TRIM56: variants seen among roughly 807,000 people sequenced by gnomAD.
The protein encoded by TRIM56 is tripartite motif containing 56, also known as E3 ubiquitin-protein ligase TRIM56.
In TRIM56, 10 loss-of-function variants were observed where a neutral mutation model predicts 17.1. That is an observed-to-expected ratio of 0.58 (90% CI 0.36 to 0.99). The LOEUF is 0.99. Ranked by LOEUF, TRIM56 falls within the 50% of genes least tolerant of loss-of-function variation. TRIM56 has a pLI of 0.01. For missense variants in TRIM56, 923 were observed against 1,052.3 expected, an observed-to-expected ratio of 0.88 and a Z score of 1.70; for synonymous variants, 503 against 473.5, an observed-to-expected ratio of 1.06 and a Z score of -0.81.
In TRIM56 at chr7:101,087,901, C is replaced by T; in HGVS notation, c.589C>T (p.His197Tyr). Residue 197 changes from histidine to tyrosine, a missense_variant, in exon 3 of 3, where the codon CAC becomes TAC. His to Tyr is a moderately conservative substitution (Grantham distance 83). Coordinates refer to ENST00000306085, the MANE Select transcript of TRIM56 (RefSeq NM_030961.3). The part of the protein sequence containing the change: ...LLCRECRLDP[H>Y]LDHPCLPLAE... ...GTGCAGAGAGTGCCGCCTAGACCCC[C>T]ACCTGGACCACCCCTGCCTGCCTCT... is the stretch of plus-strand genomic sequence containing the variant. 6.2e-7 allele frequency: 1 copy of T among 1,603,746 alleles called. No individual in the cohort carries two copies. Among genetic ancestry groups the T allele is most frequent in the Non-Finnish European group, 8.5e-7 (1 of 1,178,156 alleles).
chr7:101,087,085 G>A lies in TRIM56; in HGVS notation c.-85G>A. 2 of 563,504 alleles carry A rather than the reference G, an allele frequency of 3.5e-6. No individual in the cohort carries two copies. The highest frequency in any genetic ancestry group is 6.3e-6 in the Non-Finnish European group (2 of 317,748). 34.9% of individuals were successfully genotyped at this position (563,504 alleles called of 1,614,324 possible). On this transcript the variant is annotated 5_prime_UTR_variant, in exon 2 of 3. Coordinates refer to ENST00000306085, the MANE Select transcript of TRIM56 (RefSeq NM_030961.3). Reference sequence around the variant, plus strand: ...TACACACGGAAGTGGAGGAGGAGGAGGAGAAGGAGGAGGGCAGCTCCTTAG... The same window carrying A: ...TACACACGGAAGTGGAGGAGGAGGAAGAGAAGGAGGAGGGCAGCTCCTTAG...
Position 101,087,067 on chromosome 7 carries a change from G to A in TRIM56, c.-103G>A, listed in dbSNP as rs374766322. ...TTTTACGTTTGCTGGATGTACACAC[G>A]GAAGTGGAGGAGGAGGAGGAGAAGG... is the stretch of plus-strand genomic sequence containing the variant. On this transcript the variant is annotated 5_prime_UTR_variant, in exon 2 of 3. Transcript: ENST00000306085. 2.4e-5 allele frequency: 13 copies of A among 540,624 alleles called. No homozygotes were observed. The highest frequency in any genetic ancestry group is 1.8e-4 in the East Asian group (6 of 32,968). 33.5% of individuals were successfully genotyped at this position (540,624 alleles called of 1,614,324 possible).
intron 1 of TRIM56, 41 bp from the exon 2 acceptor site, chr7:101,086,965 T>G: frequency 2.1e-5 from 5 of 242,676 alleles, no homozygotes; most frequent in Non-Finnish European, 4.0e-5. Context: ...ACACTGAGGA[T>G]TCGATTATTA....
Position 101,087,325 on chromosome 7 carries a change from G to A in TRIM56, c.13G>A (p.Gly5Arg), listed in dbSNP as rs748373671. Residue 5 changes from glycine to arginine, a missense_variant, in exon 3 of 3, where the codon GGG becomes AGG. Physicochemically the swap from Gly to Arg is moderately radical, Grantham distance 125 (BLOSUM62 -2). This residue lies in a region of TRIM56 where 98 missense variants were observed against 143.6 expected (regional missense o/e 0.68). Coordinates refer to ENST00000306085, the MANE Select transcript of TRIM56 (RefSeq NM_030961.3). ...CTCTGCCTGCAGCATGGTTTCCCAC[G>A]GGTCCTCGCCCTCCCTCCTGGAGGC... MVSH[G>R]SSPSLLEALS... The A allele has an allele frequency of 1.5e-5, 24 of 1,611,536 alleles. No homozygotes were observed. Among genetic ancestry groups the A allele is most frequent in the Non-Finnish European group, 1.4e-5 (16 of 1,178,906 alleles).
chr7:101,089,539 G>A lies in TRIM56; in HGVS notation c.2227G>A (p.Gly743Arg), dbSNP rs1483561706. ...GRYLVVSLSNGTIHIFRVRSP... is the reference protein window; with the variant it reads ...GRYLVVSLSNRTIHIFRVRSP... ...GTACCTGGTCGTGTCCCTCAGTAACGGGACCATCCACATCTTTCGGGTCCG... is the reference window on the plus strand; with the variant it reads ...GTACCTGGTCGTGTCCCTCAGTAACAGGACCATCCACATCTTTCGGGTCCG... Residue 743 changes from glycine (G) to arginine (R), a missense_variant, in exon 3 of 3, where the codon GGG becomes AGG. Coordinates refer to ENST00000306085, the MANE Select transcript of TRIM56 (RefSeq NM_030961.3). 2 of 1,614,016 alleles carry A rather than the reference G, an allele frequency of 1.2e-6. No individual in the cohort carries two copies. The highest frequency in any genetic ancestry group is 2.2e-5 in the South Asian group (2 of 91,092).
chr7:101,088,496 G>T lies in TRIM56; in HGVS notation c.1184G>T (p.Arg395Leu). The change falls in exon 3 of 3, where the codon CGG becomes CTG. Residue 395 changes from arginine (R) to leucine (L), a missense_variant. Transcript: ENST00000306085. ...GTQGGEESQS[R>L]REDEPKTERQ... is the part of the protein sequence containing the mutation. ...CAGGGAGGTGAGGAGAGCCAGAGCC[G>T]GAGGGAGGATGAGCCGAAGACTGAG... The T allele has an allele frequency of 1.2e-6, 2 of 1,613,866 alleles. No homozygotes were observed. The highest frequency in any genetic ancestry group is 1.7e-6 in the Non-Finnish European group (2 of 1,179,896).
Position 101,088,645 on chromosome 7 carries a change from G to A in TRIM56, c.1333G>A (p.Glu445Lys), listed in dbSNP as rs575211989. 3.7e-6 allele frequency: 6 copies of A among 1,613,970 alleles called. No homozygotes were observed. The highest frequency in any genetic ancestry group is 2.2e-5 in the East Asian group (1 of 44,870). ...GGAGGACAGGGCCCAGACACCCCACGAGGATGGAGGACCCCAGCCCCACAG... is the reference window on the plus strand; with the variant it reads ...GGAGGACAGGGCCCAGACACCCCACAAGGATGGAGGACCCCAGCCCCACAG... ...LEEDRAQTPH[E>K]DGGPQPHRGG... The change falls in exon 3 of 3, where the codon GAG becomes AAG. Residue 445 changes from glutamate (E) to lysine (K), a missense_variant. This residue lies in a region of TRIM56 where 643 missense variants were observed against 665.6 expected (regional missense o/e 0.97). Transcript: ENST00000306085.
chr7:101,088,631 C>T lies in TRIM56; in HGVS notation c.1319C>T (p.Ala440Val). ...GCCCAGACCTTGGAGGAGGACAGGG[C>T]CCAGACACCCCACGAGGATGGAGGA... is the stretch of plus-strand genomic sequence containing the variant. ...EGAQTLEEDR[A>V]QTPHEDGGPQ... The change falls in exon 3 of 3, where the codon GCC (alanine) becomes GTC (valine). Residue 440 changes from alanine to valine, a missense_variant. Coordinates refer to ENST00000306085, the MANE Select transcript of TRIM56 (RefSeq NM_030961.3). 7 of 1,613,936 alleles carry T rather than the reference C, an allele frequency of 4.3e-6. No individual in the cohort carries two copies. The highest frequency in any genetic ancestry group is 5.9e-6 in the Non-Finnish European group (7 of 1,179,880).
Position 101,097,228 on chromosome 7 carries a change from T to A in TRIM56, c.*7648T>A, listed in dbSNP as rs1039353335. On this transcript the variant is annotated 3_prime_UTR_variant, in exon 3 of 3. Coordinates refer to ENST00000306085, the MANE Select transcript of TRIM56 (RefSeq NM_030961.3). Reference sequence around the variant, plus strand: ...AGGCGAGTGCCAAGATCAAGGTCTCTGATTGTCTCTCCTTGAAAGGTAAGC... The same window carrying A: ...AGGCGAGTGCCAAGATCAAGGTCTCAGATTGTCTCTCCTTGAAAGGTAAGC... 1 of 152,226 alleles carries A rather than the reference T, an allele frequency of 6.6e-6. No individual in the cohort carries two copies. The highest frequency in any genetic ancestry group is 1.5e-5 in the Non-Finnish European group (1 of 68,040). The allele number at this position is 152,226 out of a possible 1,614,324, so 9.4% of individuals were successfully genotyped here.
In TRIM56 at chr7:101,097,473, A is replaced by G. The variant is rs1220786844; in HGVS notation, c.*7893A>G. The G allele has an allele frequency of 6.6e-6, 1 of 152,228 alleles. No individual in the cohort carries two copies. The highest frequency in any genetic ancestry group is 1.5e-5 in the Non-Finnish European group (1 of 68,044). The allele number at this position is 152,228 out of a possible 1,614,324, so 9.4% of individuals were successfully genotyped here. A position where few individuals can be genotyped will look rare whatever the true frequency, so the allele number is the denominator to read the frequency against. ...AATTAGACTACCCAACTGGATTGTGAATGCAGTTTATGAAATGGATCAGGA... is the reference window on the plus strand; with the variant it reads ...AATTAGACTACCCAACTGGATTGTGGATGCAGTTTATGAAATGGATCAGGA... On this transcript the variant is annotated 3_prime_UTR_variant, in exon 3 of 3. Transcript: ENST00000306085.
rs1264744590 is a variant in TRIM56, at chr7:101,090,928, A to G, written c.*1348A>G. 1 of 152,166 alleles carries G rather than the reference A, an allele frequency of 6.6e-6. No homozygotes were observed. Among genetic ancestry groups the G allele is most frequent in the Non-Finnish European group, 1.5e-5 (1 of 68,046 alleles). 9.4% of individuals were successfully genotyped at this position (152,166 alleles called of 1,614,324 possible). On this transcript the variant is annotated 3_prime_UTR_variant, in exon 3 of 3. Transcript: ENST00000306085. ...GATATGTTGGCCTTCACTCGGCTGAACTAGGGGGTGAAGGAAGGTTGTCCT... is the reference window on the plus strand; with the variant it reads ...GATATGTTGGCCTTCACTCGGCTGAGCTAGGGGGTGAAGGAAGGTTGTCCT...
Position 101,087,507 on chromosome 7 carries a change from G to A in TRIM56, c.195G>A (p.Val65=). ...RCPECRETVP[V]PPEGVASFKT... ...CCGAGTGCCGCGAGACAGTGCCTGT[G>A]CCGCCCGAGGGTGTGGCCTCCTTCA... Residue 65 remains valine, a synonymous_variant, in exon 3 of 3, where the codon GTG becomes GTA. Transcript: ENST00000306085. 1 of 1,613,456 alleles carries A rather than the reference G, an allele frequency of 6.2e-7. No individual in the cohort carries two copies. The highest frequency in any genetic ancestry group is 1.1e-5 in the South Asian group (1 of 91,008).
In TRIM56 at chr7:101,088,811, G is replaced by C; in HGVS notation, c.1499G>C (p.Arg500Pro). 6.2e-7 allele frequency: 1 copy of C among 1,613,768 alleles called. No individual in the cohort carries two copies. The highest frequency in any genetic ancestry group is 8.5e-7 in the Non-Finnish European group (1 of 1,180,022). ...ATCTTTTACTGCAGTTTCCCCACGC[G>C]GATGCCTGGAGACAAGCGGTCCCCC... ...RPIFYCSFPTRMPGDKRSPRI... is the reference protein window; with the variant it reads ...RPIFYCSFPTPMPGDKRSPRI... The change falls in exon 3 of 3, where the codon CGG becomes CCG. Residue 500 changes from arginine to proline, a missense_variant. By Grantham distance (103) the Arg-to-Pro change is moderately radical (BLOSUM62 -2). Coordinates refer to ENST00000306085, the MANE Select transcript of TRIM56 (RefSeq NM_030961.3).
chr7:101,088,937 G>A lies in TRIM56; in HGVS notation c.1625G>A (p.Gly542Asp). Reference sequence around the variant, plus strand: ...TTCTCCCTCAACGGCGACTACAAGGGCACCGTGCCGGTCCCTGAGGGCTGC... The same window carrying A: ...TTCTCCCTCAACGGCGACTACAAGGACACCGTGCCGGTCCCTGAGGGCTGC... ...KRFSLNGDYK[G>D]TVPVPEGCSP... The change falls in exon 3 of 3, where the codon GGC (glycine) becomes GAC (aspartate). Residue 542 changes from glycine to aspartate, a missense_variant. Coordinates refer to ENST00000306085, the MANE Select transcript of TRIM56 (RefSeq NM_030961.3). The A allele has an allele frequency of 6.2e-7, 1 of 1,613,536 alleles. No homozygotes were observed. The highest frequency in any genetic ancestry group is 8.5e-7 in the Non-Finnish European group (1 of 1,180,028).
chr7:101,092,042 G>C lies in TRIM56; in HGVS notation c.*2462G>C, dbSNP rs1795574472. On this transcript the variant is annotated 3_prime_UTR_variant, in exon 3 of 3. Transcript: ENST00000306085. ...TAACCGCGAGTGATCCGCCAGCCTCGGCCTCCGGAGGTGCCGGGATTGCAG... is the reference window on the plus strand; with the variant it reads ...TAACCGCGAGTGATCCGCCAGCCTCCGCCTCCGGAGGTGCCGGGATTGCAG... 3.5e-6 allele frequency: 1 copy of C among 289,010 alleles called. No individual in the cohort carries two copies. Among genetic ancestry groups the C allele is most frequent in the Non-Finnish European group, 6.6e-6 (1 of 150,618 alleles). The allele number at this position is 289,010 out of a possible 1,614,324, so 17.9% of individuals were successfully genotyped here.
chr7:101,097,310 C>G lies in TRIM56; in HGVS notation c.*7730C>G, dbSNP rs1427730484. On this transcript the variant is annotated 3_prime_UTR_variant, in exon 3 of 3. Transcript: ENST00000306085. Reference sequence around the variant, plus strand: ...GGAGATTGGAAAGGGGTGCGGACTTCTGTATTGGGGAGAAGGTCTTGGATG... The same window carrying G: ...GGAGATTGGAAAGGGGTGCGGACTTGTGTATTGGGGAGAAGGTCTTGGATG... 2 of 152,160 alleles carry G rather than the reference C, an allele frequency of 1.3e-5. No homozygotes were observed. Among genetic ancestry groups the G allele is most frequent in the African/African-American group, 2.4e-5 (1 of 41,422 alleles). 9.4% of individuals were successfully genotyped at this position (152,160 alleles called of 1,614,324 possible). A position where few individuals can be genotyped will look rare whatever the true frequency, so the allele number is the denominator to read the frequency against.
chr7:101,087,190 C>G, intron 2 of TRIM56, 22 bp downstream of exon 2: 1 of 919,450 alleles, frequency 1.1e-6, no homozygotes, highest in Non-Finnish European at 1.7e-6. Flanking sequence ...GGTTCCTTCC[C>G]GGCCATTTGG....
At position 101,092,280 on chromosome 7, in the gene TRIM56, G is replaced by C. The variant is rs1251056463; in HGVS notation, c.*2700G>C. Reference sequence around the variant, plus strand: ...TGGGATGTGAGGAGCCCCTCTGCCCGGCTGCCCAGTCTGGGAAGTGAGGAG... The same window carrying C: ...TGGGATGTGAGGAGCCCCTCTGCCCCGCTGCCCAGTCTGGGAAGTGAGGAG... On this transcript the variant is annotated 3_prime_UTR_variant, in exon 3 of 3. Coordinates refer to ENST00000306085, the MANE Select transcript of TRIM56 (RefSeq NM_030961.3). The C allele has an allele frequency of 1.2e-5, 2 of 171,328 alleles. No individual in the cohort carries two copies. Among genetic ancestry groups the C allele is most frequent in the Non-Finnish European group, 2.5e-5 (2 of 81,494 alleles). 10.6% of individuals were successfully genotyped at this position (171,328 alleles called of 1,614,324 possible).
In TRIM56 at chr7:101,088,595, G is replaced by A. The variant is rs1434330506; in HGVS notation, c.1283G>A (p.Arg428Gln). 5 of 1,612,878 alleles carry A rather than the reference G, an allele frequency of 3.1e-6. No individual in the cohort carries two copies. The African/African-American group carries it at 5.3e-5, about 17-fold the overall frequency. Residue 428 changes from arginine (R) to glutamine (Q), a missense_variant, in exon 3 of 3, where the codon CGA becomes CAA. By Grantham distance (43) the Arg-to-Gln change is conservative. Around this residue, in one of 3 missense-constraint regions of TRIM56, gnomAD observed 643 missense variants for 665.6 expected, o/e 0.97. Transcript: ENST00000306085. ...AAAGAGGAAAAAGCCCAGACAACCC[G>A]AGAAGAGGGAGCCCAGACCTTGGAG... ...TPKEEKAQTT[R>Q]EEGAQTLEED...
Sources: gnomAD v4.1 joint callset for allele counts on GRCh38, gnomAD v4.1.1 for gene constraint, gnomAD v4.1.1 regional missense constraint, MANE v1.5 for transcripts, NCBI Gene and HGNC (gene_info 2026-07-23, HGNC 2026-07-21) for gene names.